Variants in ZNF24 observed in about 807,000 individuals in gnomAD.
The protein encoded by ZNF24 is zinc finger protein 24, also known as retinoic acid suppression protein A.
A neutral mutation model predicts 40.9 loss-of-function variants in ZNF24; 11 were observed. The ratio of observed to expected loss-of-function variants is 0.27; its 90% CI spans 0.17 to 0.45. The LOEUF (loss-of-function observed/expected upper bound fraction) is 0.45. Ranked by LOEUF, ZNF24 falls within the 20% of genes least tolerant of loss-of-function variation. The pLI is 1.00. For synonymous variants in ZNF24, 139 were observed against 154.7 expected, an observed-to-expected ratio of 0.90 and a Z score of 0.75; for missense variants, 293 against 437.7, an observed-to-expected ratio of 0.67 and a Z score of 2.95.
At chr18:35,338,578 G>C (rs2044934046) in intron 3 of ZNF24, 1 of 987,922 alleles carries the variant, frequency 1.0e-6, no homozygotes, top group Admixed American at 6.1e-5. Flanking sequence ...AAGGAGTAAA[G>C]ATCCAGTTCA....
chr18:35,337,944 G>T, intron 3 of ZNF24, 174 bp from the exon 4 acceptor site: 1 of 566,740 alleles, frequency 1.8e-6, no homozygotes, highest in Non-Finnish European at 2.8e-6. Context: ...CTGAATAACA[G>T]TATAACATCA....
At chr18:35,343,165 A>T (rs1193553236) in intron 1 of ZNF24, among the ~76,000 whole-genome samples, 1 of 152,262 alleles carries the variant, frequency 6.6e-6, no homozygotes, top group East Asian at 1.9e-4. Context: ...TGAAAAGATC[A>T]TATGTGAAAA....
At chr18:35,341,311 G>A (rs1046414179) in intron 1 of ZNF24, among the ~76,000 whole-genome samples, 7 of 152,142 alleles carry the variant, frequency 4.6e-5, no homozygotes, top group African/African-American at 1.4e-4. Context: ...CTGTTGTAAG[G>A]TCAATACATT....
intron 3 of ZNF24, 197 bp from the exon 4 acceptor site, chr18:35,337,967 T>C (rs2044927984): frequency 2.0e-6 from 1 of 493,598 alleles, no homozygotes; most frequent in Admixed American, 3.9e-5. Context: ...ATATAAGGGA[T>C]ATCTGAATAA....
At position 35,336,111 on chromosome 18, in the gene ZNF24, AACCC is replaced by A. The variant is rs767245072; in HGVS notation, c.*1117_*1120del. 1 of 152,660 alleles carries A rather than the reference AACCC, an allele frequency of 6.6e-6. No individual in the cohort carries two copies. 9.5% of individuals were successfully genotyped at this position (152,660 alleles called of 1,614,324 possible). On this transcript the variant is annotated 3_prime_UTR_variant, in exon 4 of 4. Coordinates refer to ENST00000261332, the MANE Select transcript of ZNF24 (RefSeq NM_006965.4). Reference sequence around the variant, plus strand: ...AGAGGCTAACTCACATAAAACAGCAAACCCCTATGATTTACAGTGGAAGAAATAC... The same window carrying A: ...AGAGGCTAACTCACATAAAACAGCAACTATGATTTACAGTGGAAGAAATAC...
rs2044900832 is a variant in ZNF24 at position 35,335,745 on chromosome 18, A to C, written c.*1487T>G. Reference sequence around the variant, plus strand: ...CAATGTATTACTTTAATACATTTTAAAAAATGTGTTAAGACTGAAAATTAA... The same window carrying C: ...CAATGTATTACTTTAATACATTTTACAAAATGTGTTAAGACTGAAAATTAA... On this transcript the variant is annotated 3_prime_UTR_variant, in exon 4 of 4. Coordinates refer to ENST00000261332, the MANE Select transcript of ZNF24 (RefSeq NM_006965.4). 1 of 152,204 alleles carries C rather than the reference A, an allele frequency of 6.6e-6. No homozygotes were observed. The highest frequency in any genetic ancestry group is 1.5e-5 in the Non-Finnish European group (1 of 68,032). 9.4% of individuals were successfully genotyped at this position (152,204 alleles called of 1,614,324 possible).
In ZNF24 at chr18:35,337,248, T is replaced by C; in HGVS notation, c.1091A>G (p.Asn364Ser). 6.9e-7 allele frequency: 1 copy of C among 1,451,388 alleles called. No individual in the cohort carries two copies. The highest frequency in any genetic ancestry group is 9.1e-7 in the Non-Finnish European group (1 of 1,092,952). The allele number at this position is 1,451,388 out of a possible 1,614,324, so 89.9% of individuals were successfully genotyped here. The change falls in exon 4 of 4, where the codon AAT becomes AGT. Residue 364 changes from asparagine (N) to serine (S), a missense_variant. By Grantham distance (46) the Asn-to-Ser change is conservative (BLOSUM62 1). Transcript: ENST00000261332. Reference protein sequence around the residue: ...QRRHNAEKLLNVVKV With the variant: ...QRRHNAEKLLSVVKV Reference sequence around the variant, plus strand: ...TTCAATTTCTTAAACTTTCACAACATTCAGAAGTTTTTCTGCATTGTGTCT... The same window carrying C: ...TTCAATTTCTTAAACTTTCACAACACTCAGAAGTTTTTCTGCATTGTGTCT...
rs763612236 is a variant in ZNF24 at position 35,340,608 on chromosome 18, GGAT to G, written c.40_42del (p.Ile14del). 2.2e-5 allele frequency: 35 copies of G among 1,613,854 alleles called. No individual in the cohort carries two copies. Among genetic ancestry groups the G allele is most frequent in the South Asian group, 1.5e-4 (14 of 91,088 alleles). The stretch of plus-strand genomic sequence containing the variant: ...ATTTTTTCCTCTTCATCTGGAGTTG[GGAT>G]GATAAGTATTGAATCTTCTTCCACT... On this transcript the variant is annotated inframe_deletion, in exon 2 of 4. Coordinates refer to ENST00000261332, the MANE Select transcript of ZNF24 (RefSeq NM_006965.4). This position sits in a 1 kb window ranked among gnomAD's most constrained non-coding sequence, Gnocchi z 4.6.
At position 35,337,322 on chromosome 18, in the gene ZNF24, C is replaced by A. The variant is rs767608655; in HGVS notation, c.1017G>T (p.Gln339His). The A allele has an allele frequency of 1.9e-6, 3 of 1,612,944 alleles. No individual in the cohort carries two copies. The highest frequency in any genetic ancestry group is 1.1e-5 in the South Asian group (1 of 90,940). Residue 339 changes from glutamine to histidine, a missense_variant, in exon 4 of 4, where the codon CAG becomes CAT. Coordinates refer to ENST00000261332, the MANE Select transcript of ZNF24 (RefSeq NM_006965.4). The part of the protein sequence containing the change: ...HTGEKPYECV[Q>H]CGKSYSQSSN... ...AGCTTTGACTATACGATTTCCCACACTGAACGCATTCATAAGGTTTCTCCC... is the reference window on the plus strand; with the variant it reads ...AGCTTTGACTATACGATTTCCCACAATGAACGCATTCATAAGGTTTCTCCC...
At chr18:35,338,426 A>T in intron 3 of ZNF24, 1 of 985,476 alleles carries the variant, frequency 1.0e-6, no homozygotes, top group Non-Finnish European at 1.2e-6. Flanking sequence ...CATGGTACTT[A>T]GAAAAATCGT....
In ZNF24 at chr18:35,334,283, T is replaced by A. The variant is rs1004121494; in HGVS notation, c.*2949A>T. The A allele has an allele frequency of 6.6e-6, 1 of 152,228 alleles. No individual in the cohort carries two copies. The highest frequency in any genetic ancestry group is 1.5e-5 in the Non-Finnish European group (1 of 68,038). The allele number at this position is 152,228 out of a possible 1,614,324, so 9.4% of individuals were successfully genotyped here. On this transcript the variant is annotated 3_prime_UTR_variant, in exon 4 of 4. Coordinates refer to ENST00000261332, the MANE Select transcript of ZNF24 (RefSeq NM_006965.4). ...GGTTTAATAGCCACCACCCATGGCA[T>A]GGTGAATATGTCCCTGGAGTCTACA...
In ZNF24 at chr18:35,340,280, A is replaced by T; in HGVS notation, c.371T>A (p.Val124Glu). 1.2e-6 allele frequency: 2 copies of T among 1,614,202 alleles called. No individual in the cohort carries two copies. Among genetic ancestry groups the T allele is most frequent in the Non-Finnish European group, 1.7e-6 (2 of 1,180,024 alleles). ...DHHPENGEEA[V>E]TVLEDLESEL... is the part of the protein sequence containing the mutation. ...ACTCTCCAAATCCTCCAGCACTGTC[A>T]CTGCCTCCTCTCCATTCTCTGGATG... Residue 124 changes from valine to glutamate, a missense_variant, in exon 2 of 4, where the codon GTG (valine) becomes GAG (glutamate). Physicochemically the swap from Val to Glu is moderately radical, Grantham distance 121. This residue lies in a region of ZNF24 where 234 missense variants were observed against 299.2 expected (regional missense o/e 0.78). Transcript: ENST00000261332. This position sits in a 1 kb window ranked among gnomAD's most constrained non-coding sequence, Gnocchi z 4.6.
chr18:35,333,740 G>C lies in ZNF24; in HGVS notation c.*3492C>G, dbSNP rs1473215290. On this transcript the variant is annotated 3_prime_UTR_variant, in exon 4 of 4. Transcript: ENST00000261332. Reference sequence around the variant, plus strand: ...TTTCAAAACTGCAAATGTGAAACCTGATCCAATAAATTTCTAGTTATTCAT... The same window carrying C: ...TTTCAAAACTGCAAATGTGAAACCTCATCCAATAAATTTCTAGTTATTCAT... The C allele has an allele frequency of 6.6e-6, 1 of 152,112 alleles. No homozygotes were observed. Among genetic ancestry groups the C allele is most frequent in the African/African-American group, 2.4e-5 (1 of 41,406 alleles). 9.4% of individuals were successfully genotyped at this position (152,112 alleles called of 1,614,324 possible). A position where few individuals can be genotyped will look rare whatever the true frequency, so the allele number is the denominator to read the frequency against.
At chr18:35,341,748 A>G (rs1393164342) in intron 1 of ZNF24, among the ~76,000 whole-genome samples, 2 of 152,196 alleles carry the variant, frequency 1.3e-5, no homozygotes, top group African/African-American at 4.8e-5. Flanking sequence ...GCCAGGTGCA[A>G]TGGTTCACAC....
intron 3 of ZNF24, 84 bp from the exon 4 acceptor site, chr18:35,337,854 A>G (rs1346040404): frequency 8.3e-7 from 1 of 1,201,918 alleles, no homozygotes; most frequent in Non-Finnish European, 1.1e-6. Flanking sequence ...TTAATGAACT[A>G]AAATAGCTAG....
At position 35,337,527 on chromosome 18, in the gene ZNF24, C is replaced by A; in HGVS notation, c.812G>T (p.Arg271Ile). ...ATAAGGTTTCTCCCCACTGTGAATT[C>A]TTTGATGAAGAATAAGGGCTGAGCC... is the stretch of plus-strand genomic sequence containing the variant. ...SQGSALILHQ[R>I]IHSGEKPYGC... The change falls in exon 4 of 4, where the codon AGA (arginine) becomes ATA (isoleucine). Residue 271 changes from arginine (R) to isoleucine (I), a missense_variant. Around this residue, in one of 2 missense-constraint regions of ZNF24, gnomAD observed 59 missense variants for 138.6 expected, o/e 0.43. Coordinates refer to ENST00000261332, the MANE Select transcript of ZNF24 (RefSeq NM_006965.4). 2 of 1,614,162 alleles carry A rather than the reference C, an allele frequency of 1.2e-6. No individual in the cohort carries two copies. Among genetic ancestry groups the A allele is most frequent in the Non-Finnish European group, 1.7e-6 (2 of 1,179,990 alleles).
rs532176969 is a variant in ZNF24, at chr18:35,333,272, CTT to C, written c.*3958_*3959del. 1 of 152,034 alleles carries C rather than the reference CTT, an allele frequency of 6.6e-6. No homozygotes were observed. Among genetic ancestry groups the C allele is most frequent in the East Asian group, 1.9e-4 (1 of 5,194 alleles). The allele number at this position is 152,034 out of a possible 1,614,324, so 9.4% of individuals were successfully genotyped here. Reference sequence around the variant, plus strand: ...TTAAAGAAATTTAAAGACCTGTTATCTTTTTTTGAGACCAAAATTTTAAAAAG... The same window carrying C: ...TTAAAGAAATTTAAAGACCTGTTATCTTTTTGAGACCAAAATTTTAAAAAG... On this transcript the variant is annotated 3_prime_UTR_variant, in exon 4 of 4. Transcript: ENST00000261332.
intron 3 of ZNF24, among the ~76,000 whole-genome samples, chr18:35,339,383 G>A (rs1367128985): frequency 6.6e-6 from 1 of 152,136 alleles, no homozygotes; most frequent in Non-Finnish European, 1.5e-5. Context: ...CTAGGTAGAC[G>A]TTGAAGGAAA....
At position 35,337,212 on chromosome 18, in the gene ZNF24, C is replaced by CTTT; in HGVS notation, c.*17_*19dup. ...GAAGAAAAAGACCTGAGTGCTGATT[C>CTTT]TTTTTTTTTTTTCAATTTCTTAAAC... On this transcript the variant is annotated 3_prime_UTR_variant, in exon 4 of 4. Transcript: ENST00000261332. The CTTT allele has an allele frequency of 9.5e-7, 1 of 1,057,694 alleles. No homozygotes were observed. The highest frequency in any genetic ancestry group is 1.3e-6 in the Non-Finnish European group (1 of 786,492). 65.5% of individuals were successfully genotyped at this position (1,057,694 alleles called of 1,614,324 possible). A position where few individuals can be genotyped will look rare whatever the true frequency, so the allele number is the denominator to read the frequency against.
Sources: gnomAD v4.1 joint callset for allele counts (sites outside exome capture counted in the v4.1 genomes callset) on GRCh38, gnomAD v4.1.1 for gene constraint, gnomAD v4.1.1 regional missense constraint, Gnocchi (gnomAD v3.1) non-coding constraint, MANE v1.5 for transcripts, NCBI Gene and HGNC (gene_info 2026-07-23, HGNC 2026-07-21) for gene names.